Variants in PLCG2 observed in about 807,000 individuals in gnomAD.
PLCG2 encodes phospholipase C gamma 2.
PLCG2 carries 69 observed loss-of-function variants against 175.6 expected under a neutral mutation model. That is an observed-to-expected ratio of 0.39 (90% CI 0.32 to 0.48). The LOEUF is 0.48. Ranked by LOEUF, PLCG2 falls within the 20% of genes least tolerant of loss-of-function variation. The probability of loss-of-function intolerance (pLI) is 0.91; values close to 1 mark genes in which losing one functional copy is unlikely to be tolerated. For synonymous variants in PLCG2, 827 were observed against 624.0 expected (o/e 1.33, Z -4.85); for missense variants, 1,798 against 1,650.9 (o/e 1.09, Z -1.54).
intron 1 of PLCG2, among the ~76,000 whole-genome samples, chr16:81,784,731 T>A (rs1472537036): frequency 6.6e-6 from 1 of 152,224 alleles, no homozygotes; most frequent in Non-Finnish European, 1.5e-5. Flanking sequence ...CAAAAACATT[T>A]AGATGGTGGA....
At chr16:81,927,272 A>G in intron 23 of PLCG2, 94 bp downstream of exon 23, 1 of 822,234 alleles carries the variant, frequency 1.2e-6, no homozygotes, top group South Asian at 1.4e-5. Context: ...GAATTTTTCC[A>G]TGTGCTGCTT....
intron 2 of PLCG2, among the ~76,000 whole-genome samples, chr16:81,841,212 A>C (rs1257879297): frequency 2.7e-5 from 1 of 37,544 alleles, no homozygotes; most frequent in African/African-American, 8.8e-5. Context: ...AACTTTATTT[A>C]TTTATTTATT....
At chr16:81,934,346 G>T (rs1597142217) in intron 25 of PLCG2, 83 bp from the exon 26 acceptor site, 1 of 800,062 alleles carries the variant, frequency 1.2e-6, no homozygotes, top group East Asian at 2.5e-5. Context: ...AGCAAAGTGG[G>T]GATGGAGGAG....
At chr16:81,942,403 C>T (rs1281771520) in intron 30 of PLCG2, among the ~76,000 whole-genome samples, 1 of 152,214 alleles carries the variant, frequency 6.6e-6, no homozygotes, top group African/African-American at 2.4e-5. Context: ...ATACTCTCAG[C>T]AGGGACCTTT....
chr16:81,896,246 A>C (rs922849187), intron 13 of PLCG2, among the ~76,000 whole-genome samples: 2 of 152,168 alleles, frequency 1.3e-5, no homozygotes, highest in African/African-American at 4.8e-5. Flanking sequence ...AGAGAGGGAA[A>C]GGCTGGGCGC....
intron 1 of PLCG2, among the ~76,000 whole-genome samples, chr16:81,781,752 T>C (rs1291167866): frequency 6.6e-6 from 1 of 152,206 alleles, no homozygotes. Context: ...CACAATTGTC[T>C]TGTGGGATTT....
In PLCG2 at chr16:81,962,207, A is replaced by C. The variant is rs1423854528; in HGVS notation, c.*4209A>C. The C allele has an allele frequency of 5.8e-6, 1 of 172,764 alleles. No homozygotes were observed. The highest frequency in any genetic ancestry group is 1.2e-5 in the Non-Finnish European group (1 of 81,780). 10.7% of individuals were successfully genotyped at this position (172,764 alleles called of 1,614,324 possible). A position where few individuals can be genotyped will look rare whatever the true frequency, so the allele number is the denominator to read the frequency against. ...CACTAAGTGATGAATTGTATTTGGAAGCAAAAAGGATGGCTAAAAAGGACC... is the reference window on the plus strand; with the variant it reads ...CACTAAGTGATGAATTGTATTTGGACGCAAAAAGGATGGCTAAAAAGGACC... On this transcript the variant is annotated 3_prime_UTR_variant, in exon 33 of 33. Transcript: ENST00000564138.
At chr16:81,951,873 C>T (rs1014776813) in intron 31 of PLCG2, among the ~76,000 whole-genome samples, 2 of 152,030 alleles carry the variant, frequency 1.3e-5, no homozygotes, top group African/African-American at 2.4e-5. Context: ...GAAAAAAGGT[C>T]GAGTGATCTC....
intron 2 of PLCG2, among the ~76,000 whole-genome samples, chr16:81,817,907 T>G (rs1904622326): frequency 1.3e-5 from 2 of 152,210 alleles, no homozygotes; most frequent in Admixed American, 6.5e-5. Flanking sequence ...CCTTACTGTT[T>G]CGGGGAGAAG....
rs142004971 is a variant in PLCG2 at position 81,753,672 on chromosome 16, G to C, written c.-144-2198G>C. On this transcript the variant is annotated intron_variant, in intron 1 of 5. Coordinates refer to the PLCG2 transcript ENST00000565054. ...GATCTCCCTGCCTTGGCCTCCCAAA[G>C]TACTGGGATTACAGGCATGAGCCAC... Among the ~76,000 whole-genome samples, 1,223 of 152,298 alleles carry C rather than the reference G, an allele frequency of 8.0e-3. 15 individuals are homozygous for C. Among genetic ancestry groups the C allele is most frequent in the African/African-American group, 0.028 (1,170 of 41,554 alleles).
At chr16:81,870,784 T>C in intron 6 of PLCG2, 68 bp from the exon 7 acceptor site, 2 of 802,320 alleles carry the variant, frequency 2.5e-6, no homozygotes, top group Non-Finnish European at 4.0e-6. Flanking sequence ...AATTATTCTA[T>C]AAATAGCATG....
Position 81,748,804 on chromosome 16 carries a change from A to G in PLCG2, c.-144-7066A>G, listed in dbSNP as rs182582887. Among the ~76,000 whole-genome samples, 236 of 152,312 alleles carry G rather than the reference A, an allele frequency of 1.5e-3. 2 individuals carry two copies. Among genetic ancestry groups the G allele is most frequent in the Non-Finnish European group, 1.3e-3 (86 of 68,034 alleles). On this transcript the variant is annotated intron_variant, in intron 1 of 5. Transcript: ENST00000565054. ...ATATCTGTTTCCACATCTTATCCTC[A>G]TTACAACCCTGTGAACCAGTTAGGT...
chr16:81,883,673 C>G (rs1908206515), intron 9 of PLCG2: 2 of 354,430 alleles, frequency 5.6e-6, no homozygotes, highest in Middle Eastern at 8.5e-4. Context: ...CTGGGTGCAC[C>G]TTTTCTGGCC....
intron 2 of PLCG2, among the ~76,000 whole-genome samples, chr16:81,843,433 A>G (rs753959372): frequency 2.0e-4 from 30 of 152,366 alleles, no homozygotes; most frequent in Non-Finnish European, 3.5e-4. Context: ...TTGGATTGCA[A>G]TATATTACAT....
intron 2 of PLCG2, among the ~76,000 whole-genome samples, chr16:81,795,478 TCTCA>T (rs1911425910): frequency 1.3e-5 from 2 of 152,204 alleles, no homozygotes; most frequent in Non-Finnish European, 1.5e-5. Context: ...TAAGTTTATC[TCTCA>T]CTCACTCAAA....
intron 12 of PLCG2, among the ~76,000 whole-genome samples, chr16:81,895,179 C>T (rs564663046): frequency 1.3e-5 from 2 of 152,204 alleles, no homozygotes; most frequent in Non-Finnish European, 2.9e-5. Flanking sequence ...TCTCATTGCT[C>T]TGTATCATTT....
At chr16:81,815,433 G>T (rs141693337) in intron 2 of PLCG2, among the ~76,000 whole-genome samples, 3 of 152,210 alleles carry the variant, frequency 2.0e-5, no homozygotes, top group Non-Finnish European at 4.4e-5. Context: ...TGTCTTTCCA[G>T]CGGGAAACTG....
intron 2 of PLCG2, among the ~76,000 whole-genome samples, chr16:81,853,340 A>C: frequency 6.6e-6 from 1 of 151,298 alleles, no homozygotes. Context: ...CAAAAAAAAA[A>C]AACAAAACAA....
chr16:81,951,873 C>A (rs1014776813), intron 31 of PLCG2, among the ~76,000 whole-genome samples: 1 of 152,030 alleles, frequency 6.6e-6, no homozygotes, highest in Non-Finnish European at 1.5e-5. Context: ...GAAAAAAGGT[C>A]GAGTGATCTC....
Sources: gnomAD v4.1 joint callset for allele counts (sites outside exome capture counted in the v4.1 genomes callset) on GRCh38, gnomAD v4.1.1 for gene constraint, MANE v1.5 for transcripts, NCBI Gene and HGNC (gene_info 2026-07-23, HGNC 2026-07-21) for gene names.